The following SNX31 variants were observed in gnomAD, a reference collection of about 807,000 sequenced individuals.
SNX31 encodes sorting nexin-31.
SNX31 carries 58 observed loss-of-function variants against 65.4 expected under a neutral mutation model. The observed-to-expected ratio is 0.89, with a 90% confidence interval of 0.72 to 1.10. The LOEUF is 1.10. SNX31 is among the 50% of genes least tolerant of loss of function. The probability of loss-of-function intolerance (pLI) is 0.00; values close to 1 mark genes in which losing one functional copy is unlikely to be tolerated. For missense variants in SNX31, 523 were observed against 529.7 expected, an observed-to-expected ratio of 0.99 and a Z score of 0.12; for synonymous variants, 181 against 190.1, an observed-to-expected ratio of 0.95 and a Z score of 0.39.
intron 4 of SNX31, among the ~76,000 whole-genome samples, chr8:100,623,050 C>T (rs924658890): frequency 1.2e-4 from 18 of 152,286 alleles, no homozygotes; most frequent in African/African-American, 3.6e-4. Context: ...ATACCTGAGA[C>T]TCGGTAATTT....
intron 2 of SNX31, among the ~76,000 whole-genome samples, chr8:100,641,565 A>AAAATATAT (rs1554587369): frequency 2.2e-4 from 7 of 32,102 alleles, no homozygotes; most frequent in Non-Finnish European, 3.7e-4. Context: ...AAAAAAAAAA[A>AAAATATAT]ATATATATAT....
At chr8:100,615,434 C>G (rs1817085424) in intron 5 of SNX31, among the ~76,000 whole-genome samples, 9 of 152,214 alleles carry the variant, frequency 5.9e-5, no homozygotes, top group Admixed American at 5.9e-4. Flanking sequence ...TAATTATTTA[C>G]TTAGACATTG....
chr8:100,649,982 A>G (rs1819912926), upstream of SNX31, among the ~76,000 whole-genome samples: 2 of 152,236 alleles, frequency 1.3e-5, no homozygotes, highest in Non-Finnish European at 2.9e-5. Flanking sequence ...GTTAAATGTA[A>G]CACAAGACAT....
rs79256258 is a variant in SNX31 at position 100,590,243 on chromosome 8, A to G, written c.979-1264T>C. Among the ~76,000 whole-genome samples, 1,328 of 152,342 alleles carry G rather than the reference A, an allele frequency of 8.7e-3. 19 individuals are homozygous for G. The highest frequency in any genetic ancestry group is 0.031 in the African/African-American group (1,269 of 41,572). Reference sequence around the variant, plus strand: ...CAAAAAAGAAATAGGGAAAGAAAAAAGATATTTTTCCCCCTAGGGGGCAAC... The same window carrying G: ...CAAAAAAGAAATAGGGAAAGAAAAAGGATATTTTTCCCCCTAGGGGGCAAC... On this transcript the variant is annotated intron_variant, in intron 10 of 13. Transcript: ENST00000311812.
rs1809758235 is a variant in SNX31, at chr8:100,660,017, G to GA, written c.-58+3124dup. ...ATAATAGAAGGATTAACAATAGATAGAAAAATGACTTAGGAACTACAGGAG... is the reference window on the plus strand; with the variant it reads ...ATAATAGAAGGATTAACAATAGATAGAAAAAATGACTTAGGAACTACAGGAG... On this transcript the variant is annotated intron_variant, in intron 1 of 5. Transcript: ENST00000520352. The surrounding 1 kb of genome is among the most constrained non-coding windows in gnomAD (Gnocchi z 4.1). Among the ~76,000 whole-genome samples, 3 of 151,952 alleles carry GA rather than the reference G, an allele frequency of 2.0e-5. No homozygotes were observed. The South Asian group carries it at 6.2e-4, about 32-fold the overall frequency.
At chr8:100,600,589 A>G (rs1815530127) in intron 8 of SNX31, 148 bp from the exon 9 acceptor site, 2 of 585,886 alleles carry the variant, frequency 3.4e-6, no homozygotes, top group African/African-American at 3.9e-5. Context: ...TATTTTTTAA[A>G]TTAGTAAGAA....
At chr8:100,641,625 C>CATATATATATATATAT (rs368399829) in intron 2 of SNX31, among the ~76,000 whole-genome samples, 7 of 48,822 alleles carry the variant, frequency 1.4e-4, no homozygotes, top group African/African-American at 3.8e-4. Context: ...CACACACGCG[C>CATATATATATATATAT]ATATATATAT....
rs1563561498 is a variant in SNX31 at position 100,622,788 on chromosome 8, A to G, written c.322-5058T>C. ...CCTCGACTGCATACTTATCCTACAGATATGTAAGAAGAGAATATTAAGGCT... is the reference window on the plus strand; with the variant it reads ...CCTCGACTGCATACTTATCCTACAGGTATGTAAGAAGAGAATATTAAGGCT... On this transcript the variant is annotated intron_variant, in intron 4 of 13. Coordinates refer to ENST00000311812, the MANE Select transcript of SNX31 (RefSeq NM_152628.4). The surrounding 1 kb of genome is among the most constrained non-coding windows in gnomAD (Gnocchi z 5.0). Among the ~76,000 whole-genome samples the G allele has an allele frequency of 6.6e-6, 1 of 152,190 alleles. No homozygotes were observed. The highest frequency in any genetic ancestry group is 1.5e-5 in the Non-Finnish European group (1 of 68,044).
rs952381677 is a variant in SNX31, at chr8:100,613,145, T to C, written c.433-60A>G. 35 of 1,336,842 alleles carry C rather than the reference T, an allele frequency of 2.6e-5. No homozygotes were observed. In the African/African-American group the frequency reaches 4.3e-4, roughly 17 times the overall value. 82.8% of individuals were successfully genotyped at this position (1,336,842 alleles called of 1,614,324 possible). The stretch of plus-strand genomic sequence containing the variant: ...AGGTGTGCCCACCATGCATCCTAAC[T>C]GTGACATGCAGACTTGGAAATGGCC... On this transcript the variant is annotated intron_variant, in intron 5 of 13. Transcript: ENST00000311812. This position sits in a 1 kb window ranked among gnomAD's most constrained non-coding sequence, Gnocchi z 5.2.
intron 4 of SNX31, among the ~76,000 whole-genome samples, chr8:100,627,358 C>T (rs1318668007): frequency 6.6e-6 from 1 of 151,964 alleles, no homozygotes; most frequent in Non-Finnish European, 1.5e-5. Context: ...ATCTCAAAAA[C>T]AAACAAACAA....
intron 10 of SNX31, among the ~76,000 whole-genome samples, chr8:100,593,911 C>T (rs74639529): frequency 0.013 from 2,015 of 152,174 alleles, 47 homozygotes; most frequent in African/African-American, 0.046. Context: ...TTGGACTTGA[C>T]GGCAAAAGCA....
chr8:100,626,337 G>A lies in SNX31; in HGVS notation c.321+3990C>T, dbSNP rs1458191693. On this transcript the variant is annotated intron_variant, in intron 4 of 13. Transcript: ENST00000311812. This position sits in a 1 kb window ranked among gnomAD's most constrained non-coding sequence, Gnocchi z 4.4. ...TTGACCCAAGTCATATAAATCAAAA[G>A]TAGGGCAGCCAAAATTTGAACTGAG... 6.6e-6 allele frequency among the ~76,000 whole-genome samples: 1 copy of A among 152,174 alleles called. No individual in the cohort carries two copies. The highest frequency in any genetic ancestry group is 1.9e-4 in the East Asian group (1 of 5,206).
intron 9 of SNX31, among the ~76,000 whole-genome samples, chr8:100,598,445 A>T (rs1815309599): frequency 6.6e-6 from 1 of 152,230 alleles, no homozygotes; most frequent in Non-Finnish European, 1.5e-5. Context: ...CTTCTTTAAA[A>T]TTGTAATAAT....
Position 100,634,372 on chromosome 8 carries a change from T to A in SNX31, c.256+1525A>T, listed in dbSNP as rs1818604808. Among the ~76,000 whole-genome samples, 3 of 150,948 alleles carry A rather than the reference T, an allele frequency of 2.0e-5. No homozygotes were observed. In the South Asian group the frequency reaches 6.3e-4, roughly 32 times the overall value. Reference sequence around the variant, plus strand: ...GCTTTCCTGTAAGTGGTTCATCTCATCCTTTTGTTCATTCCTAATCCAGAA... The same window carrying A: ...GCTTTCCTGTAAGTGGTTCATCTCAACCTTTTGTTCATTCCTAATCCAGAA... On this transcript the variant is annotated intron_variant, in intron 3 of 13. Coordinates refer to ENST00000311812, the MANE Select transcript of SNX31 (RefSeq NM_152628.4).
At position 100,610,049 on chromosome 8, in the gene SNX31, G is replaced by C. The variant is rs77040875; in HGVS notation, c.612-1486C>G. ...GACTTCCCTCTGGAAAGAGGGCAAG[G>C]CACCTGCAGGAGCCTATGCCAGAAT... On this transcript the variant is annotated intron_variant, in intron 7 of 13. Coordinates refer to ENST00000311812, the MANE Select transcript of SNX31 (RefSeq NM_152628.4). The surrounding 1 kb of genome is among the most constrained non-coding windows in gnomAD (Gnocchi z 4.0). Among the ~76,000 whole-genome samples, 353 of 152,304 alleles carry C rather than the reference G, an allele frequency of 2.3e-3. 2 individuals are homozygous for C. The highest frequency in any genetic ancestry group is 8.2e-3 in the African/African-American group (341 of 41,568).
chr8:100,636,003 C>T lies in SNX31; in HGVS notation c.150G>A (p.Arg50=), dbSNP rs1450235282. The change falls in exon 3 of 14, where the codon CGG becomes CGA. Residue 50 remains arginine (R), a synonymous_variant. Coordinates refer to ENST00000311812, the MANE Select transcript of SNX31 (RefSeq NM_152628.4). ...QLHGWNEQLR[R]VFGNCLPPFP... ...AGGGTGGCAGGCAATTTCCAAAGAC[C>T]CGCCTTAGCTGAAAGATCCAGGAAA... The T allele has an allele frequency of 1.9e-6, 3 of 1,613,568 alleles. No individual in the cohort carries two copies. The highest frequency in any genetic ancestry group is 2.5e-6 in the Non-Finnish European group (3 of 1,179,568).
chr8:100,592,419 A>C (rs1288815269), intron 10 of SNX31, among the ~76,000 whole-genome samples: 1 of 152,236 alleles, frequency 6.6e-6, no homozygotes, highest in African/African-American at 2.4e-5. Context: ...ATGAAATCAC[A>C]ATGGGATACC....
chr8:100,598,397 T>C (rs1180709747), intron 9 of SNX31, among the ~76,000 whole-genome samples: 1 of 152,246 alleles, frequency 6.6e-6, no homozygotes, highest in Non-Finnish European at 1.5e-5. Context: ...AGTGATATGG[T>C]ATAAATTTAT....
In SNX31 at chr8:100,613,046, C is replaced by T. The variant is rs143289856; in HGVS notation, c.472G>A (p.Gly158Ser). 2.8e-5 allele frequency: 45 copies of T among 1,613,874 alleles called. No homozygotes were observed. The highest frequency in any genetic ancestry group is 3.6e-5 in the Non-Finnish European group (42 of 1,179,998). The change falls in exon 6 of 14, where the codon GGC becomes AGC. Residue 158 changes from glycine to serine, a missense_variant. By Grantham distance (56) the Gly-to-Ser change is moderately conservative. Coordinates refer to ENST00000311812, the MANE Select transcript of SNX31 (RefSeq NM_152628.4). The surrounding 1 kb of genome is among the most constrained non-coding windows in gnomAD (Gnocchi z 5.2). ...HKIGLCRELL[G>S]YFGLFLIRFG... Reference sequence around the variant, plus strand: ...CGAATGAGAAAGAGGCCGAAGTAGCCCAAGAGCTCTCGACACAGTCCAATT... The same window carrying T: ...CGAATGAGAAAGAGGCCGAAGTAGCTCAAGAGCTCTCGACACAGTCCAATT...
Sources: allele counts gnomAD v4.1 joint callset (sites outside exome capture counted in the v4.1 genomes callset), GRCh38; gene constraint gnomAD v4.1.1; non-coding constraint Gnocchi (gnomAD v3.1); transcripts MANE v1.5; gene names NCBI Gene and HGNC (gene_info 2026-07-23, HGNC 2026-07-21).